Variants in ZEB2 observed in about 807,000 individuals in gnomAD.
The protein encoded by ZEB2 is zinc finger E-box-binding homeobox 2.
In ZEB2, 6 loss-of-function variants were observed where a neutral mutation model predicts 99.9. That is an observed-to-expected ratio of 0.06 (90% CI 0.03 to 0.12). The LOEUF is 0.12. ZEB2 is among the 10% of genes least tolerant of loss of function. ZEB2 has a pLI of 1.00. For synonymous variants in ZEB2, 517 were observed against 542.5 expected (o/e 0.95, Z 0.65); for missense variants, 969 against 1,502.8 (o/e 0.64, Z 5.87).
At chr2:144,457,159 G>C (rs1201310940) in intron 2 of ZEB2, among the ~76,000 whole-genome samples, 1 of 152,136 alleles carries the variant, frequency 6.6e-6, no homozygotes, top group Non-Finnish European at 1.5e-5. Context: ...AGGACAGTTT[G>C]ATTATATAAT....
At chr2:144,453,169 C>T (rs552530625) in intron 2 of ZEB2, among the ~76,000 whole-genome samples, 1 of 152,322 alleles carries the variant, frequency 6.6e-6, no homozygotes, top group Non-Finnish European at 1.5e-5. Flanking sequence ...ATATTTAATA[C>T]GCATACAACA....
Position 144,399,991 on chromosome 2 carries a change from T to C in ZEB2, c.1196A>G (p.Asp399Gly). The C allele has an allele frequency of 1.9e-6, 3 of 1,614,222 alleles. No individual in the cohort carries two copies. The highest frequency in any genetic ancestry group is 2.5e-6 in the Non-Finnish European group (3 of 1,180,018). Residue 399 changes from aspartate to glycine, a missense_variant, in exon 8 of 10, where the codon GAC (aspartate) becomes GGC (glycine). Physicochemically the swap from Asp to Gly is moderately conservative, Grantham distance 94. Coordinates refer to ENST00000627532, the MANE Select transcript of ZEB2 (RefSeq NM_014795.4). The surrounding 1 kb of genome is among the most constrained non-coding windows in gnomAD (Gnocchi z 5.6). ...GTGTGTAGCCATAAGAACTTTATAG[T>C]CATTGAAGTCTAGTGGTTCTGTTTT... is the stretch of plus-strand genomic sequence containing the variant. ...KIKTEPLDFN[D>G]YKVLMATHGF...
chr2:144,430,972 G>A (rs1285410391), intron 2 of ZEB2: 1 of 152,052 alleles, frequency 6.6e-6, no homozygotes, highest in African/African-American at 2.4e-5. Context: ...CTCAGCTAGA[G>A]AAACACACCA....
Position 144,398,667 on chromosome 2 carries a change from A to G in ZEB2, c.2520T>C (p.Ser840=). 6.2e-7 allele frequency: 1 copy of G among 1,613,956 alleles called. No homozygotes were observed. Among genetic ancestry groups the G allele is most frequent in the Non-Finnish European group, 8.5e-7 (1 of 1,179,986 alleles). ...CACTGTTATGATCTAAACTGATGCT[A>G]CTAGCTTTTGTTTTGTTCTTTGTGG... ...IIATKNKTKA[S]SISLDHNSVS... is the part of the protein sequence containing the mutation. Residue 840 remains serine, a synonymous_variant, in exon 8 of 10, where the codon AGT becomes AGC. Coordinates refer to ENST00000627532, the MANE Select transcript of ZEB2 (RefSeq NM_014795.4).
intron 2 of ZEB2, chr2:144,494,194 TA>T (rs1704728231): frequency 1.4e-5 from 2 of 142,456 alleles, no homozygotes; most frequent in East Asian, 4.1e-4. Context: ...TCAAAAACTC[TA>T]ATAAAACAGG....
chr2:144,414,905 T>C (rs920335410), intron 4 of ZEB2, among the ~76,000 whole-genome samples: 1 of 151,942 alleles, frequency 6.6e-6, no homozygotes, highest in African/African-American at 2.4e-5. Context: ...CACCATACAA[T>C]GAATATGGGG....
chr2:144,406,416 T>G (rs1267100965), intron 4 of ZEB2, among the ~76,000 whole-genome samples: 1 of 152,028 alleles, frequency 6.6e-6, no homozygotes, highest in East Asian at 1.9e-4. Context: ...TGAAAGAAAG[T>G]TATATGGTGG....
intron 2 of ZEB2, among the ~76,000 whole-genome samples, chr2:144,477,740 T>C (rs1704450169): frequency 6.6e-6 from 1 of 152,200 alleles, no homozygotes; most frequent in Admixed American, 6.6e-5. Flanking sequence ...TAGCTCAGGA[T>C]GCTGGGCTGA....
intron 2 of ZEB2, among the ~76,000 whole-genome samples, chr2:144,473,939 T>A (rs970356769): frequency 6.6e-6 from 1 of 152,166 alleles, no homozygotes; most frequent in South Asian, 2.1e-4. Context: ...GTCAATTATT[T>A]GTCTAATGAT....
chr2:144,483,006 A>C (rs1704536163), intron 2 of ZEB2, among the ~76,000 whole-genome samples: 1 of 152,178 alleles, frequency 6.6e-6, no homozygotes, highest in Non-Finnish European at 1.5e-5. Context: ...CTACCAAAAA[A>C]GATTCTTCAT....
intron 6 of ZEB2, among the ~76,000 whole-genome samples, chr2:144,403,303 T>C (rs548887772): frequency 2.2e-4 from 34 of 152,316 alleles, no homozygotes; most frequent in African/African-American, 7.5e-4. Context: ...AACATTTAGC[T>C]ACAAATATGT....
intron 2 of ZEB2, among the ~76,000 whole-genome samples, chr2:144,480,662 T>C (rs996732228): frequency 6.6e-6 from 1 of 151,640 alleles, no homozygotes; most frequent in African/African-American, 2.4e-5. Context: ...GAATGCTGTC[T>C]GCCATCCTGT....
intron 9 of ZEB2, among the ~76,000 whole-genome samples, chr2:144,394,088 A>G (rs1703188530): frequency 6.6e-6 from 1 of 151,908 alleles, no homozygotes; most frequent in Non-Finnish European, 1.5e-5. Flanking sequence ...CACCCAGCTA[A>G]TTTTGTATTT....
In ZEB2 at chr2:144,386,913, A is replaced by G. The variant is rs1703090623; in HGVS notation, c.*2538T>C. The G allele has an allele frequency of 6.7e-6, 1 of 149,234 alleles. No individual in the cohort carries two copies. Among genetic ancestry groups the G allele is most frequent in the Admixed American group, 6.7e-5 (1 of 14,946 alleles). 9.2% of individuals were successfully genotyped at this position (149,234 alleles called of 1,614,324 possible). On this transcript the variant is annotated 3_prime_UTR_variant, in exon 10 of 10. Coordinates refer to ENST00000627532, the MANE Select transcript of ZEB2 (RefSeq NM_014795.4). The stretch of plus-strand genomic sequence containing the variant: ...ACAGGAGGCATAGCATTTTGATGCC[A>G]CTCCTCCCCCTGCCCCCCCCACCCC...
At chr2:144,517,980 C>T (rs919915717) in intron 1 of ZEB2, 6 of 330,882 alleles carry the variant, frequency 1.8e-5, no homozygotes, top group Non-Finnish European at 2.3e-5. Context: ...TTTATCGAGG[C>T]ACTGTCTCTT....
intron 2 of ZEB2, among the ~76,000 whole-genome samples, chr2:144,502,134 T>A (rs1205616108): frequency 6.6e-6 from 1 of 152,190 alleles, no homozygotes; most frequent in Non-Finnish European, 1.5e-5. Flanking sequence ...TTTCAGATTC[T>A]TAGTGCAGTC....
chr2:144,489,202 A>G (rs1481003292), intron 2 of ZEB2, among the ~76,000 whole-genome samples: 1 of 152,196 alleles, frequency 6.6e-6, no homozygotes, highest in Non-Finnish European at 1.5e-5. Context: ...GTGGTATGTT[A>G]TTACAATGAA....
intron 4 of ZEB2, among the ~76,000 whole-genome samples, chr2:144,407,031 A>G (rs1324690415): frequency 6.6e-6 from 1 of 152,188 alleles, no homozygotes; most frequent in Non-Finnish European, 1.5e-5. Context: ...TACTTTCCAA[A>G]TTTGATGGAT....
At chr2:144,463,776 T>C (rs1704230009) in intron 2 of ZEB2, 1 of 151,822 alleles carries the variant, frequency 6.6e-6, no homozygotes, top group Non-Finnish European at 1.5e-5. Flanking sequence ...AAGGCTGCAG[T>C]GAACCATGAT....
Sources: allele counts gnomAD v4.1 joint callset (sites outside exome capture counted in the v4.1 genomes callset), GRCh38; gene constraint gnomAD v4.1.1; non-coding constraint Gnocchi (gnomAD v3.1); transcripts MANE v1.5; gene names NCBI Gene and HGNC (gene_info 2026-07-23, HGNC 2026-07-21).